Variants in DIPK1A observed in about 807,000 individuals in gnomAD.
DIPK1A encodes the protein divergent protein kinase domain 1A, also known as family with sequence similarity 69 member A.
DIPK1A carries 27 observed loss-of-function variants against 40.8 expected under a neutral mutation model. The ratio of observed to expected loss-of-function variants is 0.66; its 90% CI spans 0.49 to 0.91. DIPK1A has a LOEUF of 0.91. DIPK1A is among the 40% of genes least tolerant of loss of function. The pLI, the probability that DIPK1A is intolerant of heterozygous loss-of-function variation, is 0.00. For missense variants in DIPK1A, 412 were observed against 505.7 expected, an observed-to-expected ratio of 0.81 and a Z score of 1.78; for synonymous variants, 166 against 171.3, an observed-to-expected ratio of 0.97 and a Z score of 0.24.
At chr1:92,841,151 GT>G (rs1378705178), downstream of DIPK1A, among the ~76,000 whole-genome samples, 1 of 152,134 alleles carries the variant, frequency 6.6e-6, no homozygotes, top group Non-Finnish European at 1.5e-5. Context: ...TACTCCTCCT[GT>G]TGGAGATTTT....
chr1:92,893,122 C>G (rs1008487864), intron 1 of DIPK1A, among the ~76,000 whole-genome samples: 1 of 151,660 alleles, frequency 6.6e-6, no homozygotes, highest in Non-Finnish European at 1.5e-5. Context: ...GCAAGGCAGG[C>G]CAACATTCAG....
At chr1:92,862,550 C>G (rs1347498257) in intron 2 of DIPK1A, among the ~76,000 whole-genome samples, 8 of 152,160 alleles carry the variant, frequency 5.3e-5, no homozygotes, top group African/African-American at 1.7e-4. Flanking sequence ...TCACTTGTGC[C>G]TGGATTATTA....
intron 1 of DIPK1A, among the ~76,000 whole-genome samples, chr1:92,904,174 T>G (rs777559195): frequency 7.9e-5 from 12 of 152,204 alleles, no homozygotes; most frequent in South Asian, 4.1e-4. Context: ...AAGCAATTTT[T>G]ACTTAGAAGG....
At chr1:92,952,449 G>GTC (rs1266079381) in intron 1 of DIPK1A, among the ~76,000 whole-genome samples, 1 of 152,032 alleles carries the variant, frequency 6.6e-6, no homozygotes, top group African/African-American at 2.4e-5. Context: ...GTGAAACCTG[G>GTC]TCTCTACAAA....
At chr1:92,893,839 C>A (rs931734662) in intron 1 of DIPK1A, among the ~76,000 whole-genome samples, 4 of 151,856 alleles carry the variant, frequency 2.6e-5, no homozygotes, top group Admixed American at 2.6e-4. Context: ...TAAAAAAAGG[C>A]AGGGGTTGCA....
intron 1 of DIPK1A, among the ~76,000 whole-genome samples, chr1:92,909,835 C>T (rs980708912): frequency 1.3e-5 from 2 of 152,024 alleles, no homozygotes; most frequent in African/African-American, 4.8e-5. Context: ...AAAGGACTGC[C>T]CAAGTGCTTT....
chr1:92,940,658 C>T (rs1459191021), intron 1 of DIPK1A, among the ~76,000 whole-genome samples: 1 of 152,176 alleles, frequency 6.6e-6, no homozygotes, highest in Non-Finnish European at 1.5e-5. Context: ...AAACTATATA[C>T]CCCCTTGCAT....
At chr1:92,894,133 C>G (rs1321049160) in intron 1 of DIPK1A, among the ~76,000 whole-genome samples, 2 of 152,140 alleles carry the variant, frequency 1.3e-5, no homozygotes, top group East Asian at 3.8e-4. Context: ...GAATTGAACT[C>G]AGCTCTGCAC....
At chr1:92,957,484 A>G (rs1181878080) in intron 1 of DIPK1A, among the ~76,000 whole-genome samples, 1 of 152,252 alleles carries the variant, frequency 6.6e-6, no homozygotes, top group East Asian at 1.9e-4. Flanking sequence ...TGCTCTGGGC[A>G]AGATGCCTTG....
chr1:92,913,131 A>G (rs1344984474), intron 1 of DIPK1A, among the ~76,000 whole-genome samples: 2 of 152,190 alleles, frequency 1.3e-5, no homozygotes, highest in African/African-American at 4.8e-5. Context: ...GCCATTATTT[A>G]CAGCTATCTT....
rs765100925 is a variant in DIPK1A at position 92,834,704 on chromosome 1, C to G, written c.475-1670G>C. Reference sequence around the variant, plus strand: ...CTGTGTCCATCAATGTTTTTTTATTCCCTTGAAAAATAATTAAGATGTAGT... The same window carrying G: ...CTGTGTCCATCAATGTTTTTTTATTGCCTTGAAAAATAATTAAGATGTAGT... On this transcript the variant is annotated intron_variant, in intron 4 of 4. Coordinates refer to the DIPK1A transcript ENST00000615519. 3.6e-5 allele frequency: 57 copies of G among 1,581,764 alleles called. No individual in the cohort carries two copies. The East Asian group carries it at 1.2e-3, about 32-fold the overall frequency.
At chr1:92,875,444 C>T (rs182960191) in intron 2 of DIPK1A, among the ~76,000 whole-genome samples, 13 of 152,132 alleles carry the variant, frequency 8.5e-5, no homozygotes, top group Non-Finnish European at 1.0e-4. Flanking sequence ...AGGCCAGGTG[C>T]GGTGGCTCAT....
chr1:92,904,927 A>G (rs766808867), intron 1 of DIPK1A, among the ~76,000 whole-genome samples: 1 of 152,116 alleles, frequency 6.6e-6, no homozygotes, highest in Non-Finnish European at 1.5e-5. Context: ...TGCCTGGTTT[A>G]TTTCACTTAA....
chr1:92,865,438 G>GAAAA (rs1331060106), intron 2 of DIPK1A, among the ~76,000 whole-genome samples: 3 of 151,190 alleles, frequency 2.0e-5, no homozygotes, highest in African/African-American at 7.3e-5. Context: ...AAAAGCACAA[G>GAAAA]TGAAAAAAAA....
Position 92,904,109 on chromosome 1 carries a change from C to A in DIPK1A, c.55-27679G>T, listed in dbSNP as rs1418188448. Among the ~76,000 whole-genome samples the A allele has an allele frequency of 2.0e-5, 3 of 152,174 alleles. 1 individual carries two copies. The highest frequency in any genetic ancestry group is 4.8e-5 in the African/African-American group (2 of 41,518). On this transcript the variant is annotated intron_variant, in intron 1 of 4. Transcript: ENST00000370310. ...TCTTAAATTCCAAAGAAGGCTGAAA[C>A]CAAAACAAAACTTATAGAAAATGTT...
At position 92,886,527 on chromosome 1, in the gene DIPK1A, T is replaced by G. The variant is rs541550548; in HGVS notation, c.55-10097A>C. On this transcript the variant is annotated intron_variant, in intron 1 of 4. Coordinates refer to ENST00000370310, the MANE Select transcript of DIPK1A (RefSeq NM_001006605.5). ...TCCACTTAAATATCAATTTTTTTTT[T>G]GGTATTTAAATGGATGTATAACATT... is the stretch of plus-strand genomic sequence containing the variant. Among the ~76,000 whole-genome samples the G allele has an allele frequency of 1.6e-4, 25 of 152,052 alleles. No homozygotes were observed. The South Asian group carries it at 5.0e-3, about 30-fold the overall frequency.
intron 1 of DIPK1A, among the ~76,000 whole-genome samples, chr1:92,902,803 T>C (rs1649471399): frequency 6.6e-6 from 1 of 152,170 alleles, no homozygotes; most frequent in Non-Finnish European, 1.5e-5. Flanking sequence ...ACCTGTTTCT[T>C]TGATTTCTCC....
At chr1:92,928,186 T>C (rs755315782) in intron 1 of DIPK1A, among the ~76,000 whole-genome samples, 9 of 152,244 alleles carry the variant, frequency 5.9e-5, no homozygotes, top group Non-Finnish European at 1.2e-4. Context: ...GGGCCTCTAT[T>C]GTCCTTTGCT....
intron 1 of DIPK1A, among the ~76,000 whole-genome samples, chr1:92,909,770 T>C (rs1649758662): frequency 1.3e-5 from 2 of 152,208 alleles, no homozygotes; most frequent in African/African-American, 4.8e-5. Context: ...GTATCTGCTT[T>C]TCAATAACAG....
Sources: allele counts gnomAD v4.1 joint callset (sites outside exome capture counted in the v4.1 genomes callset), GRCh38; gene constraint gnomAD v4.1.1; transcripts MANE v1.5; gene names NCBI Gene and HGNC (gene_info 2026-07-23, HGNC 2026-07-21).